The following GSG1L variants were observed in gnomAD, a reference collection of about 807,000 sequenced individuals.
GSG1L encodes germ cell-specific gene 1-like protein.
In GSG1L, 24 loss-of-function variants were observed where a neutral mutation model predicts 42.1. That is an observed-to-expected ratio of 0.57 (90% CI 0.41 to 0.80). The LOEUF is 0.80. Ranked by LOEUF, GSG1L falls within the 30% of genes least tolerant of loss-of-function variation. The pLI is 0.00. For synonymous variants in GSG1L, 215 were observed against 203.5 expected (o/e 1.06, Z -0.48); for missense variants, 445 against 472.2 (o/e 0.94, Z 0.53).
intron 3 of GSG1L, among the ~76,000 whole-genome samples, chr16:27,865,521 TTCTA>T (rs2083703839): frequency 1.5e-5 from 1 of 68,822 alleles, no homozygotes; most frequent in South Asian, 6.4e-4. Flanking sequence ...CTCTCTCTCT[TTCTA>T]TATATATATA....
chr16:28,058,143 G>C (rs2086299802), intron 1 of GSG1L, among the ~76,000 whole-genome samples: 1 of 152,176 alleles, frequency 6.6e-6, no homozygotes. Flanking sequence ...GGGAGACTGA[G>C]GAGCAGCACA....
chr16:28,058,140 T>G (rs2086299745), intron 1 of GSG1L, among the ~76,000 whole-genome samples: 1 of 152,056 alleles, frequency 6.6e-6, no homozygotes, highest in Non-Finnish European at 1.5e-5. Flanking sequence ...CTGGGGAGAC[T>G]GAGGAGCAGC....
intron 1 of GSG1L, among the ~76,000 whole-genome samples, chr16:28,012,140 C>T (rs1309595218): frequency 1.3e-5 from 2 of 152,198 alleles, no homozygotes; most frequent in East Asian, 3.8e-4. Flanking sequence ...GTCGCTACAG[C>T]TGCTCCAAAT....
chr16:27,810,504 A>C (rs2140946816), intron 5 of GSG1L, among the ~76,000 whole-genome samples: 1 of 152,210 alleles, frequency 6.6e-6, no homozygotes, highest in African/African-American at 2.4e-5. Flanking sequence ...GAATAACACT[A>C]CACAAGGACT....
chr16:28,018,692 C>T (rs539081480), intron 1 of GSG1L, among the ~76,000 whole-genome samples: 2 of 152,114 alleles, frequency 1.3e-5, no homozygotes, highest in East Asian at 3.9e-4. Flanking sequence ...CTTCCCCCCA[C>T]CCCCAGGCAA....
intron 2 of GSG1L, among the ~76,000 whole-genome samples, chr16:27,949,415 G>A (rs1012362402): frequency 5.9e-5 from 9 of 152,302 alleles, no homozygotes; most frequent in East Asian, 3.9e-4. Context: ...GGAAGGCAGC[G>A]TGAAATGAAA....
intron 2 of GSG1L, among the ~76,000 whole-genome samples, chr16:27,911,266 G>GCT (rs71648556): frequency 0.41 from 49,605 of 121,780 alleles, 10,259 homozygotes; most frequent in East Asian, 0.61. Context: ...CCTCTCTCTC[G>GCT]CTCTCTCTCT....
At chr16:27,805,818 G>A (rs1056943253) in intron 6 of GSG1L, among the ~76,000 whole-genome samples, 1 of 151,224 alleles carries the variant, frequency 6.6e-6, no homozygotes, top group Non-Finnish European at 1.5e-5. Context: ...CATTTCCTCT[G>A]ACCCTGAGAA....
At chr16:27,843,504 TAAAA>T (rs55755431) in intron 4 of GSG1L, among the ~76,000 whole-genome samples, 1,134 of 75,936 alleles carry the variant, frequency 0.015, 19 homozygotes, top group African/African-American at 0.052. Flanking sequence ...AGAGACTCTG[TAAAA>T]AAAAAAAAAA....
intron 3 of GSG1L, among the ~76,000 whole-genome samples, chr16:27,872,725 T>C (rs1051794324): frequency 3.3e-5 from 5 of 152,136 alleles, no homozygotes; most frequent in Non-Finnish European, 7.4e-5. Flanking sequence ...TATATGCTAA[T>C]TACAATTCAT....
chr16:27,837,170 A>G (rs1369516479), intron 4 of GSG1L, among the ~76,000 whole-genome samples: 3 of 152,180 alleles, frequency 2.0e-5, no homozygotes, highest in East Asian at 3.8e-4. Context: ...GGAAGCAGGC[A>G]CTTTCTTCAC....
At chr16:28,032,411 TGA>T (rs1317965251) in intron 1 of GSG1L, among the ~76,000 whole-genome samples, 1 of 152,122 alleles carries the variant, frequency 6.6e-6, no homozygotes, top group Non-Finnish European at 1.5e-5. Context: ...GCTGGCGTAG[TGA>T]GAGTGAGACA....
chr16:27,964,796 G>A (rs1596658532), intron 1 of GSG1L, among the ~76,000 whole-genome samples: 1 of 152,112 alleles, frequency 6.6e-6, no homozygotes, highest in African/African-American at 2.4e-5. Context: ...GGGATTGGGC[G>A]GGGAGCAGTG....
At chr16:27,976,211 G>T (rs1303559296) in intron 1 of GSG1L, among the ~76,000 whole-genome samples, 2 of 152,162 alleles carry the variant, frequency 1.3e-5, no homozygotes, top group African/African-American at 2.4e-5. Flanking sequence ...GGAGGTGGAG[G>T]TTGCAGTGAG....
chr16:28,026,503 A>C (rs1160158359), intron 1 of GSG1L, among the ~76,000 whole-genome samples: 4 of 152,152 alleles, frequency 2.6e-5, no homozygotes. Flanking sequence ...GCCAGAACAG[A>C]GTCCTAACCT....
At chr16:27,900,104 C>T (rs538401042) in intron 2 of GSG1L, among the ~76,000 whole-genome samples, 5 of 152,358 alleles carry the variant, frequency 3.3e-5, no homozygotes, top group Admixed American at 3.3e-4. Context: ...ACCTGAAAAA[C>T]AGCAGTGACT....
At chr16:28,045,841 CA>C (rs1408725926) in intron 1 of GSG1L, among the ~76,000 whole-genome samples, 1 of 151,886 alleles carries the variant, frequency 6.6e-6, no homozygotes, top group African/African-American at 2.4e-5. Context: ...ACTCAAAACA[CA>C]AAAATTAGAC....
chr16:27,973,327 G>C (rs1384142680), intron 1 of GSG1L, among the ~76,000 whole-genome samples: 1 of 149,036 alleles, frequency 6.7e-6, no homozygotes, highest in African/African-American at 2.5e-5. Flanking sequence ...GTGCACACCT[G>C]TAATCCCAGC....
At chr16:27,874,581 T>TCTG (rs2083864024) in intron 3 of GSG1L, among the ~76,000 whole-genome samples, 1 of 149,884 alleles carries the variant, frequency 6.7e-6, no homozygotes, top group Non-Finnish European at 1.5e-5. Flanking sequence ...CTACCAAGTA[T>TCTG]CTGGGATATA....
Sources: allele counts gnomAD v4.1 joint callset (sites outside exome capture counted in the v4.1 genomes callset), GRCh38; gene constraint gnomAD v4.1.1; transcripts MANE v1.5; gene names NCBI Gene and HGNC (gene_info 2026-07-23, HGNC 2026-07-21).